OPLAH: variants seen among roughly 807,000 people sequenced by gnomAD.
OPLAH encodes 5-oxoprolinase, ATP-hydrolysing.
Under a neutral mutation model 122.8 loss-of-function variants are expected in OPLAH, and 103 were observed. That is an observed-to-expected ratio of 0.84 (90% CI 0.71 to 0.99). The LOEUF is 0.99. Ranked by LOEUF, OPLAH falls within the 50% of genes least tolerant of loss-of-function variation. The pLI is 0.00. For synonymous variants in OPLAH, 875 were observed against 796.0 expected (o/e 1.10, Z -1.67); for missense variants, 1,902 against 1,836.5 (o/e 1.04, Z -0.65).
chr8:144,055,872 C>A lies in OPLAH; in HGVS notation c.2164G>T (p.Gly722Trp). The A allele has an allele frequency of 6.3e-7, 1 of 1,582,778 alleles. No homozygotes were observed. Reference sequence around the variant, plus strand: ...CCCACTGTGCCGGGGACTTCGGCCCCCACGGAGATGCAGATGTCCCCTGTC... The same window carrying A: ...CCCACTGTGCCGGGGACTTCGGCCCACACGGAGATGCAGATGTCCCCTGTC... ...TKTGDICISV[G>W]AEVPGTVGPQ... Residue 722 changes from glycine (G) to tryptophan (W), a missense_variant, in exon 16 of 27, where the codon GGG becomes TGG. Physicochemically the swap from Gly to Trp is radical, Grantham distance 184. Transcript: ENST00000618853. The surrounding 1 kb of genome is among the most constrained non-coding windows in gnomAD (Gnocchi z 6.5).
rs1554760280 is a variant in OPLAH at position 144,059,074 on chromosome 8, C to T, written c.369G>A (p.Val123=). 3 of 1,581,576 alleles carry T rather than the reference C, an allele frequency of 1.9e-6. No individual in the cohort carries two copies. Residue 123 remains valine, a synonymous_variant, in exon 4 of 27, where the codon GTG becomes GTA. Transcript: ENST00000618853. ...CTTCATACAGCACCTCAGGCATGGG[C>T]ACGGCCTGGGGGCGGGCAGAGACTC... ...QARGDLFDLA[V]PMPEVLYEEV...
Position 144,053,342 on chromosome 8 carries a change from G to C in OPLAH, c.2738C>G (p.Thr913Ser). Residue 913 changes from threonine (T) to serine (S), a missense_variant, in exon 20 of 27, where the codon ACC (threonine) becomes AGC (serine). This residue lies in a region of OPLAH where 1,726 missense variants were observed against 1,642.1 expected (regional missense o/e 1.05). Transcript: ENST00000618853. ...APGKVPNCSGTRNLHDNLSDL... is the reference protein window; with the variant it reads ...APGKVPNCSGSRNLHDNLSDL... ...CGACAGGTTGTCGTGCAGGTTTCTG[G>C]TTCCGCTGCAGTTGGGGACCTTGCC... The C allele has an allele frequency of 6.2e-7, 1 of 1,612,832 alleles. No homozygotes were observed. The highest frequency in any genetic ancestry group is 8.5e-7 in the Non-Finnish European group (1 of 1,179,786).
rs782372791 is a variant in OPLAH at position 144,059,873 on chromosome 8, T to C, written c.160A>G (p.Ile54Val). The stretch of plus-strand genomic sequence containing the variant: ...CCGCCCTGGCCCACCTGCTCCAGGA[T>C]GCGGCGGATGCCTTCGGTTGGCGCG... Reference protein sequence around the residue: ...ADAPTEGIRRILEQEAGMLLP... With the variant: ...ADAPTEGIRRVLEQEAGMLLP... The change falls in exon 2 of 27, where the codon ATC becomes GTC. Residue 54 changes from isoleucine (I) to valine (V), a missense_variant. By Grantham distance (29) the Ile-to-Val change is conservative. Transcript: ENST00000618853. 58 of 1,612,616 alleles carry C rather than the reference T, an allele frequency of 3.6e-5. No homozygotes were observed. Among genetic ancestry groups the C allele is most frequent in the Non-Finnish European group, 4.2e-5 (49 of 1,179,808 alleles).
chr8:144,058,281 G>C lies in OPLAH; in HGVS notation c.907C>G (p.Gln303Glu). Residue 303 changes from glutamine (Q) to glutamate (E), a missense_variant, in exon 7 of 27, where the codon CAG (glutamine) becomes GAG (glutamate). Transcript: ENST00000618853. ...GVVGYSATTY[Q>E]QEGGQPVIGF... The stretch of plus-strand genomic sequence containing the variant: ...ATGACAGGCTGGCCACCCTCCTGCT[G>C]GTAGGTGGTGGCTGAGTAGCCCACC... 1.2e-6 allele frequency: 2 copies of C among 1,610,520 alleles called. No homozygotes were observed. The highest frequency in any genetic ancestry group is 1.7e-6 in the Non-Finnish European group (2 of 1,179,212).
chr8:144,057,387 A>T (rs781856700), intron 10 of OPLAH, 61 bp downstream of exon 10: 2 of 1,582,884 alleles, frequency 1.3e-6, no homozygotes, highest in South Asian at 2.3e-5. Flanking sequence ...CCTGAGCAGG[A>T]GGCCTGGGGC....
rs1835590066 is a variant in OPLAH, at chr8:144,058,606, T to C, written c.673A>G (p.Met225Val). 6.2e-7 allele frequency: 1 copy of C among 1,603,350 alleles called. No individual in the cohort carries two copies. Among genetic ancestry groups the C allele is most frequent in the South Asian group, 1.1e-5 (1 of 90,990 alleles). The change falls in exon 6 of 27, where the codon ATG becomes GTG. Residue 225 changes from methionine (M) to valine (V), a missense_variant. Transcript: ENST00000618853. ...TGCCCCCGAGGGACGATGCGCACCA[T>C]GGGCATGGCCTCCGAGGACAGTGAC... ...HVSLSSEAMPMVRIVPRGHTA... is the reference protein window; with the variant it reads ...HVSLSSEAMPVVRIVPRGHTA...
At position 144,053,314 on chromosome 8, in the gene OPLAH, G is replaced by T. The variant is rs781960043; in HGVS notation, c.2766C>A (p.Asp922Glu). 6.2e-6 allele frequency: 10 copies of T among 1,612,986 alleles called. No individual in the cohort carries two copies. The highest frequency in any genetic ancestry group is 8.5e-6 in the Non-Finnish European group (10 of 1,179,820). The change falls in exon 20 of 27, where the codon GAC (aspartate) becomes GAA (glutamate). Residue 922 changes from aspartate to glutamate, a missense_variant. By Grantham distance (45) the Asp-to-Glu change is conservative. Coordinates refer to ENST00000618853, the MANE Select transcript of OPLAH (RefSeq NM_017570.5). ...GGTTGGCTGCCACCTGGGCACGGAG[G>T]TCCGACAGGTTGTCGTGCAGGTTTC... ...GTRNLHDNLS[D>E]LRAQVAANQK...
chr8:144,057,944 G>C, intron 8 of OPLAH, 21 bp from the exon 9 acceptor site: 2 of 1,611,986 alleles, frequency 1.2e-6, no homozygotes, highest in Non-Finnish European at 1.7e-6. Flanking sequence ...GAAGGGCTGG[G>C]GTTGGAGTTG....
Position 144,058,058 on chromosome 8 carries a change from A to G in OPLAH, c.1040T>C (p.Leu347Pro), listed in dbSNP as rs782734312. 7 of 1,612,384 alleles carry G rather than the reference A, an allele frequency of 4.3e-6. No individual in the cohort carries two copies. The highest frequency in any genetic ancestry group is 5.9e-6 in the Non-Finnish European group (7 of 1,179,820). ...TCCCGCTGCCACGGTGTTGATGTCC[A>G]GCTGCGGGGCCTGGAGGGTGACGCC... The part of the protein sequence containing the change: ...TAGVTLQAPQ[L>P]DINTVAAGGG... Residue 347 changes from leucine to proline, a missense_variant, in exon 8 of 27, where the codon CTG becomes CCG. Leu to Pro is a moderately conservative substitution (Grantham distance 98). This residue lies in a region of OPLAH where 1,726 missense variants were observed against 1,642.1 expected (regional missense o/e 1.05). Transcript: ENST00000618853.
chr8:144,050,749 G>A (rs1013037412), downstream of OPLAH: 49 of 986,196 alleles, frequency 5.0e-5, no homozygotes, highest in Admixed American at 2.4e-4. Context: ...GGGGAGCGCC[G>A]TCGGCTGAGG....
Position 144,056,944 on chromosome 8 carries a change from C to G in OPLAH, c.1706+4G>C. 6.4e-7 allele frequency: 1 copy of G among 1,568,032 alleles called. No individual in the cohort carries two copies. Among genetic ancestry groups the G allele is most frequent in the South Asian group, 1.2e-5 (1 of 85,704 alleles). On this transcript the variant is annotated splice_donor_region_variant and intron_variant, in intron 12 of 26. Coordinates refer to ENST00000618853, the MANE Select transcript of OPLAH (RefSeq NM_017570.5). The stretch of plus-strand genomic sequence containing the variant: ...CCTCTGTCCAGGGCACCCTGGGAGC[C>G]CACCTGGGGAAGCCCTGGGCCTGCA...
At chr8:144,051,106 G>C (rs1328433325), downstream of OPLAH, 6 of 1,378,690 alleles carry the variant, frequency 4.4e-6, no homozygotes, top group Non-Finnish European at 5.6e-6. Flanking sequence ...CCTGACTCCC[G>C]CCCCCAGGAG....
Position 144,056,192 on chromosome 8 carries a change from T to C in OPLAH, c.2051A>G (p.Tyr684Cys), listed in dbSNP as rs1244351919. The change falls in exon 15 of 27, where the codon TAT becomes TGT. Residue 684 changes from tyrosine to cysteine, a missense_variant. By Grantham distance (194) the Tyr-to-Cys change is radical. This residue lies in a region of OPLAH where 1,726 missense variants were observed against 1,642.1 expected (regional missense o/e 1.05). Transcript: ENST00000618853. ...GCAGGGCCCATGGAGCTTGTGCCCA[T>C]AGCCCAGCTCTGCCAGCAGGTACAC... The part of the protein sequence containing the change: ...TPVYLLAELG[Y>C]GHKLHGPCLI... 5 of 1,612,074 alleles carry C rather than the reference T, an allele frequency of 3.1e-6. No individual in the cohort carries two copies. The highest frequency in any genetic ancestry group is 2.5e-6 in the Non-Finnish European group (3 of 1,179,348).
Position 144,056,589 on chromosome 8 carries a change from C to A in OPLAH, c.1844+29G>T, listed in dbSNP as rs782240905. On this transcript the variant is annotated intron_variant, in intron 13 of 26. Transcript: ENST00000618853. ...GCGGCCAGACAGGAGGGCCCCTTGC[C>A]AGGGATCCGGAGTCAGGAAGCCACG... The A allele has an allele frequency of 1.1e-5, 18 of 1,612,198 alleles. No individual in the cohort carries two copies. The East Asian group carries it at 4.0e-4, about 36-fold the overall frequency.
At position 144,060,000 on chromosome 8, in the gene OPLAH, G is replaced by C. The variant is rs1176951322; in HGVS notation, c.33C>G (p.Ala11=). Residue 11 remains alanine, a synonymous_variant, in exon 2 of 27, where the codon GCC becomes GCG. Transcript: ENST00000618853. MGSPEGRFHF[A]IDRGGTFTDV... ...CTGTGAAGGTACCCCCACGGTCGAT[G>C]GCAAAGTGGAAGCGGCCCTCGGGGC... 6.2e-7 allele frequency: 1 copy of C among 1,612,560 alleles called. No homozygotes were observed. Among genetic ancestry groups the C allele is most frequent in the Non-Finnish European group, 8.5e-7 (1 of 1,179,812 alleles).
rs782751754 is a variant in OPLAH, at chr8:144,056,204, G to A, written c.2039C>T (p.Ala680Val). The A allele has an allele frequency of 6.8e-6, 11 of 1,612,226 alleles. No homozygotes were observed. Among genetic ancestry groups the A allele is most frequent in the South Asian group, 1.1e-5 (1 of 91,074 alleles). ...GAGCTTGTGCCCATAGCCCAGCTCT[G>A]CCAGCAGGTACACAGGGGTCTCCTG... ...GYQETPVYLL[A>V]ELGYGHKLHG... Residue 680 changes from alanine to valine, a missense_variant, in exon 15 of 27, where the codon GCA becomes GTA. Physicochemically the swap from Ala to Val is moderately conservative, Grantham distance 64 (BLOSUM62 0). Coordinates refer to ENST00000618853, the MANE Select transcript of OPLAH (RefSeq NM_017570.5).
rs1195019422 is a variant in OPLAH, at chr8:144,057,544, G to A, written c.1326C>T (p.Pro442=). 1 of 1,591,524 alleles carries A rather than the reference G, an allele frequency of 6.3e-7. No individual in the cohort carries two copies. ...TEVNSFLTNG[P]CPASPLSLEE... is the part of the protein sequence containing the mutation. The stretch of plus-strand genomic sequence containing the variant: ...CCAGGCTCAGCGGGGAGGCCGGGCA[G>A]GGCCCGTTGGTCAGGAAGCTGTTGA... Residue 442 remains proline (P), a synonymous_variant, in exon 10 of 27, where the codon CCC becomes CCT. Coordinates refer to ENST00000618853, the MANE Select transcript of OPLAH (RefSeq NM_017570.5).
At chr8:144,063,090 C>G (rs1835689302), upstream of OPLAH, among the ~76,000 whole-genome samples, 1 of 152,178 alleles carries the variant, frequency 6.6e-6, no homozygotes, top group African/African-American at 2.4e-5. This position sits in a 1 kb window ranked among gnomAD's most constrained non-coding sequence, Gnocchi z 4.2. Context: ...CACGCAGCCC[C>G]TCCACAGCAA....
Position 144,054,603 on chromosome 8 carries a change from G to C in OPLAH, c.2644C>G (p.Leu882Val). ...TMLQQEGAVF[L>V]SFKLVQGGVF... ...CCCCCCTGGACAAGTTTGAAGGACA[G>C]AAAGACGGCACCCTCCTGTTGCAGC... Residue 882 changes from leucine (L) to valine (V), a missense_variant, in exon 19 of 27, where the codon CTG (leucine) becomes GTG (valine). This residue lies in a region of OPLAH where 1,726 missense variants were observed against 1,642.1 expected (regional missense o/e 1.05). Coordinates refer to ENST00000618853, the MANE Select transcript of OPLAH (RefSeq NM_017570.5). The C allele has an allele frequency of 6.2e-7, 1 of 1,605,084 alleles. No homozygotes were observed. The highest frequency in any genetic ancestry group is 1.1e-5 in the South Asian group (1 of 90,882).
Sources: gnomAD v4.1 joint callset for allele counts (sites outside exome capture counted in the v4.1 genomes callset) on GRCh38, gnomAD v4.1.1 for gene constraint, gnomAD v4.1.1 regional missense constraint, Gnocchi (gnomAD v3.1) non-coding constraint, MANE v1.5 for transcripts, NCBI Gene and HGNC (gene_info 2026-07-23, HGNC 2026-07-21) for gene names.